AP5Z1: variants seen among roughly 807,000 people sequenced by gnomAD.
AP5Z1 encodes the protein AP-5 complex subunit zeta-1.
In AP5Z1, 106 loss-of-function variants were observed where a neutral mutation model predicts 83.0. The observed-to-expected ratio is 1.28, with a 90% confidence interval of 1.09 to 1.50. The LOEUF (loss-of-function observed/expected upper bound fraction) is 1.50, where lower values mean the gene tolerates loss of function less well. Ranked by LOEUF, AP5Z1 falls within the 40% of genes most tolerant of loss-of-function variation. The pLI, the probability that AP5Z1 is intolerant of heterozygous loss-of-function variation, is 0.00. For missense variants in AP5Z1, 1,565 were observed against 1,094.2 expected, an observed-to-expected ratio of 1.43 and a Z score of -6.07; for synonymous variants, 751 against 514.1, an observed-to-expected ratio of 1.46 and a Z score of -6.23.
chr7:4,787,594 A>C lies in AP5Z1; in HGVS notation c.1312-40A>C, dbSNP rs764244876. ...CTCCTCCCTCTGCCGCCTGCTCCAC[A>C]GCTCCGAGCCGTGTCCGAACCGCTG... On this transcript the variant is annotated intron_variant, in intron 10 of 16. Coordinates refer to ENST00000649063, the MANE Select transcript of AP5Z1 (RefSeq NM_014855.3). 6.5e-6 allele frequency: 10 copies of C among 1,532,222 alleles called. No individual in the cohort carries two copies. In the Admixed American group the frequency reaches 2.0e-4, roughly 30 times the overall value. 94.9% of individuals were successfully genotyped at this position (1,532,222 alleles called of 1,614,324 possible).
chr7:4,794,293 T>G lies in AP5Z1; in HGVS notation c.*2908T>G, dbSNP rs947572601. The G allele has an allele frequency of 1.3e-5, 2 of 152,214 alleles. No individual in the cohort carries two copies. The highest frequency in any genetic ancestry group is 6.5e-5 in the Admixed American group (1 of 15,274). The allele number at this position is 152,214 out of a possible 1,614,324, so 9.4% of individuals were successfully genotyped here. ...GGATGTGGGTGGGGCCAGATGAGAA[T>G]AAAAGCAGGCTGCCCGAGCCAGCAG... On this transcript the variant is annotated 3_prime_UTR_variant, in exon 17 of 17. Transcript: ENST00000649063.
Position 4,791,507 on chromosome 7 carries a change from G to C in AP5Z1, c.*122G>C. On this transcript the variant is annotated 3_prime_UTR_variant, in exon 17 of 17. Coordinates refer to ENST00000649063, the MANE Select transcript of AP5Z1 (RefSeq NM_014855.3). ...TCCTGGGAGAGGAGGCAAGGCCCAC[G>C]GTGGGCTTGGCACCCTCACAGACAC... is the stretch of plus-strand genomic sequence containing the variant. 7.2e-7 allele frequency: 1 copy of C among 1,398,406 alleles called. No individual in the cohort carries two copies. Among genetic ancestry groups the C allele is most frequent in the Non-Finnish European group, 9.6e-7 (1 of 1,046,626 alleles). 86.6% of individuals were successfully genotyped at this position (1,398,406 alleles called of 1,614,324 possible).
rs1344442022 is a variant in AP5Z1 at position 4,793,141 on chromosome 7, GGAGGAGCTCA to G, written c.*1757_*1766del. Reference sequence around the variant, plus strand: ...GCCGTCCCGCTCATCCAAGGGACAAGGAGGAGCTCATGGCCACAGGGCCTCGGAGGGCATG... The same window carrying G: ...GCCGTCCCGCTCATCCAAGGGACAAGTGGCCACAGGGCCTCGGAGGGCATG... On this transcript the variant is annotated 3_prime_UTR_variant, in exon 17 of 17. Transcript: ENST00000649063. 6.6e-6 allele frequency: 1 copy of G among 152,402 alleles called. No homozygotes were observed. The highest frequency in any genetic ancestry group is 6.5e-5 in the Admixed American group (1 of 15,292). The allele number at this position is 152,402 out of a possible 1,614,324, so 9.4% of individuals were successfully genotyped here.
Position 4,785,308 on chromosome 7 carries a change from C to G in AP5Z1, c.932-107C>G, listed in dbSNP as rs573657419. ...CAAGTCCTCCTGGGGGCCTGTCCCA[C>G]CCCCCTGCTCCCGGTCCTGCCTGGA... On this transcript the variant is annotated intron_variant, in intron 7 of 16. Transcript: ENST00000649063. 15 of 1,434,006 alleles carry G rather than the reference C, an allele frequency of 1.0e-5. No individual in the cohort carries two copies. In the South Asian group the frequency reaches 1.7e-4, roughly 16 times the overall value. 88.8% of individuals were successfully genotyped at this position (1,434,006 alleles called of 1,614,324 possible).
At position 4,794,139 on chromosome 7, in the gene AP5Z1, C is replaced by T. The variant is rs974468696; in HGVS notation, c.*2754C>T. On this transcript the variant is annotated 3_prime_UTR_variant, in exon 17 of 17. Transcript: ENST00000649063. ...CTACTCTGGTGGGGACTTGGAAAAC[C>T]TTTTTGTCAACACTCTGTATCTAGT... The T allele has an allele frequency of 6.6e-6, 1 of 152,210 alleles. No individual in the cohort carries two copies. Among genetic ancestry groups the T allele is most frequent in the African/African-American group, 2.4e-5 (1 of 41,422 alleles). 9.4% of individuals were successfully genotyped at this position (152,210 alleles called of 1,614,324 possible).
chr7:4,781,619 A>C lies in AP5Z1; in HGVS notation c.231A>C (p.Ala77=). 6.2e-7 allele frequency: 1 copy of C among 1,610,146 alleles called. No individual in the cohort carries two copies. The highest frequency in any genetic ancestry group is 1.1e-5 in the South Asian group (1 of 91,046). The change falls in exon 3 of 17, where the codon GCA becomes GCC. Residue 77 remains alanine (A), a synonymous_variant. Coordinates refer to ENST00000649063, the MANE Select transcript of AP5Z1 (RefSeq NM_014855.3). The stretch of plus-strand genomic sequence containing the variant: ...TGCAGGCCACCCTCGGCCTGCCTGC[A>C]TGCCCCGAGCAGCTCCAGGTGCTTT... ...DLLQATLGLP[A]CPEQLQVLCA... is the part of the protein sequence containing the mutation.
chr7:4,786,511 G>A (rs1259306313), intron 10 of AP5Z1, 83 bp downstream of exon 10: 2 of 1,496,112 alleles, frequency 1.3e-6, no homozygotes, highest in East Asian at 2.3e-5. Context: ...GGGGTTCAGG[G>A]CGAGTCCTGG....
chr7:4,775,870 A>T, intron 1 of AP5Z1, 114 bp downstream of exon 1: 3 of 1,428,828 alleles, frequency 2.1e-6, no homozygotes, highest in Non-Finnish European at 1.9e-6. Context: ...ACCCGACTGG[A>T]CTCGCCCTCG....
chr7:4,791,052 C>T (rs1781751635), intron 16 of AP5Z1, 63 bp from the exon 17 acceptor site: 2 of 1,496,724 alleles, frequency 1.3e-6, no homozygotes, highest in East Asian at 4.9e-5. Context: ...CTGGCCCCTC[C>T]ACACAGACCC....
Position 4,782,990 on chromosome 7 carries a change from C to T in AP5Z1, c.367-326C>T, listed in dbSNP as rs539619613. Among the ~76,000 whole-genome samples, 31 of 152,282 alleles carry T rather than the reference C, an allele frequency of 2.0e-4. No individual in the cohort carries two copies. In the South Asian group the frequency reaches 6.0e-3, roughly 30 times the overall value. ...GGTGGGTGGTTTAAAGACTGGGATC[C>T]ACACTGGAGGCCCCGCAGGACGGGG... is the stretch of plus-strand genomic sequence containing the variant. On this transcript the variant is annotated intron_variant, in intron 3 of 16. Coordinates refer to ENST00000649063, the MANE Select transcript of AP5Z1 (RefSeq NM_014855.3).
chr7:4,781,114 T>C, intron 1 of AP5Z1, 61 bp from the exon 2 acceptor site: 1 of 1,582,898 alleles, frequency 6.3e-7, no homozygotes. Flanking sequence ...CCAAGGGTTA[T>C]CCTTTTTTTG....
chr7:4,788,326 T>C (rs1269414321), intron 12 of AP5Z1, 32 bp downstream of exon 12: 1 of 1,543,044 alleles, frequency 6.5e-7, no homozygotes, highest in Admixed American at 2.0e-5. Flanking sequence ...GGGCCACCAG[T>C]GGCTCAGAGA....
At chr7:4,777,657 G>A (rs1037394742) in intron 1 of AP5Z1, among the ~76,000 whole-genome samples, 15 of 152,096 alleles carry the variant, frequency 9.9e-5, no homozygotes, top group Admixed American at 2.0e-4. Flanking sequence ...TCGAAGTGCC[G>A]GGATTACAGG....
At position 4,784,338 on chromosome 7, in the gene AP5Z1, A is replaced by G. The variant is rs1781472180; in HGVS notation, c.757A>G (p.Ser253Gly). ...FSMLRAWLLH[S>G]GPEGPGTLDT... is the part of the protein sequence containing the mutation. ...TATGCTGCGGGCGTGGCTGCTGCAC[A>G]GCGGCCCCGAGGGCCCGGGCACCCT... The change falls in exon 6 of 17, where the codon AGC (serine) becomes GGC (glycine). Residue 253 changes from serine (S) to glycine (G), a missense_variant. Physicochemically the swap from Ser to Gly is moderately conservative, Grantham distance 56. Coordinates refer to ENST00000649063, the MANE Select transcript of AP5Z1 (RefSeq NM_014855.3). The G allele has an allele frequency of 1.3e-6, 2 of 1,588,844 alleles. No individual in the cohort carries two copies. The highest frequency in any genetic ancestry group is 1.7e-6 in the Non-Finnish European group (2 of 1,169,304).
chr7:4,788,013 C>A, intron 11 of AP5Z1, 141 bp from the exon 12 acceptor site: 1 of 1,346,836 alleles, frequency 7.4e-7, no homozygotes, highest in Non-Finnish European at 9.8e-7. Context: ...CACGCCCAGG[C>A]CTGGAGCCTC....
chr7:4,787,364 T>TA (rs1342360680), intron 10 of AP5Z1, among the ~76,000 whole-genome samples: 1 of 152,064 alleles, frequency 6.6e-6, no homozygotes, highest in African/African-American at 2.4e-5. Flanking sequence ...TGTGTGCCTG[T>TA]AGTCTCAGCT....
chr7:4,784,595 C>T (rs1322656888), intron 6 of AP5Z1, among the ~76,000 whole-genome samples: 2 of 152,130 alleles, frequency 1.3e-5, no homozygotes, highest in African/African-American at 2.4e-5. Context: ...TCTGGACACC[C>T]CGTGACCCTC....
chr7:4,788,200 A>G lies in AP5Z1; in HGVS notation c.1501A>G (p.Arg501Gly). The G allele has an allele frequency of 1.9e-6, 3 of 1,562,136 alleles. No homozygotes were observed. Among genetic ancestry groups the G allele is most frequent in the Non-Finnish European group, 2.6e-6 (3 of 1,154,284 alleles). Reference sequence around the variant, plus strand: ...GAGGCCACTCTGGGACACCTCTCTCAGGGCCCCCAGCTGCCTGGAGGCCTT... The same window carrying G: ...GAGGCCACTCTGGGACACCTCTCTCGGGGCCCCCAGCTGCCTGGAGGCCTT... Reference protein sequence around the residue: ...SERPLWDTSLRAPSCLEAFRD... With the variant: ...SERPLWDTSLGAPSCLEAFRD... The change falls in exon 12 of 17, where the codon AGG (arginine) becomes GGG (glycine). Residue 501 changes from arginine (R) to glycine (G), a missense_variant. Coordinates refer to ENST00000649063, the MANE Select transcript of AP5Z1 (RefSeq NM_014855.3).
chr7:4,787,369 T>C (rs1169168571), intron 10 of AP5Z1, among the ~76,000 whole-genome samples: 2 of 151,998 alleles, frequency 1.3e-5, no homozygotes, highest in African/African-American at 2.4e-5. Flanking sequence ...GCCTGTAGTC[T>C]CAGCTGCTCA....
Sources: gnomAD v4.1 joint callset for allele counts (sites outside exome capture counted in the v4.1 genomes callset) on GRCh38, gnomAD v4.1.1 for gene constraint, MANE v1.5 for transcripts, NCBI Gene and HGNC (gene_info 2026-07-23, HGNC 2026-07-21) for gene names.